The following CDK5RAP3 variants were observed in gnomAD, a reference collection of about 807,000 sequenced individuals.
The protein encoded by CDK5RAP3 is CDK5 regulatory subunit-associated protein 3.
In CDK5RAP3, 58 loss-of-function variants were observed where a neutral mutation model predicts 73.3. The ratio of observed to expected loss-of-function variants is 0.79; its 90% confidence interval spans 0.64 to 0.98. The LOEUF (loss-of-function observed/expected upper bound fraction) is 0.98. Ranked by LOEUF, CDK5RAP3 falls within the 50% of genes least tolerant of loss-of-function variation. The pLI is 0.00. For synonymous variants in CDK5RAP3, 224 were observed against 247.5 expected (o/e 0.91, Z 0.89); for missense variants, 525 against 615.8 (o/e 0.85, Z 1.56).
At chr17:47,975,436 G>C in intron 6 of CDK5RAP3, 78 bp from the exon 7 acceptor site, 1 of 1,607,522 alleles carries the variant, frequency 6.2e-7, no homozygotes, top group Non-Finnish European at 8.5e-7. Flanking sequence ...CACCCCCTTT[G>C]GGCCAGTGTC....
chr17:47,973,730 A>C (rs1451844038), intron 3 of CDK5RAP3, 80 bp downstream of exon 3: 3 of 1,568,106 alleles, frequency 1.9e-6, no homozygotes, highest in African/African-American at 1.4e-5. Context: ...CTTGTTATTT[A>C]GCCACCAGGG....
chr17:47,970,564 C>A (rs142572828), upstream of CDK5RAP3: 46 of 1,077,588 alleles, frequency 4.3e-5, no homozygotes, highest in East Asian at 1.1e-3. Flanking sequence ...GACGTCTCAC[C>A]GACTCTCTTC....
chr17:47,974,417 A>G lies in CDK5RAP3; in HGVS notation c.303A>G (p.Ile101Met). ...SQRMKDWQEIIALYEKDNTYL... is the reference protein window; with the variant it reads ...SQRMKDWQEIMALYEKDNTYL... ...TTACTCAGGATTGGCAGGAGATTAT[A>G]GCTCTGTATGAGAAGGACAACACCT... The change falls in exon 5 of 14, where the codon ATA becomes ATG. Residue 101 changes from isoleucine to methionine, a missense_variant. By Grantham distance (10) the Ile-to-Met change is conservative (BLOSUM62 1). Transcript: ENST00000338399. The G allele has an allele frequency of 1.2e-6, 2 of 1,614,132 alleles. No individual in the cohort carries two copies. The highest frequency in any genetic ancestry group is 2.2e-5 in the East Asian group (1 of 44,886).
At chr17:47,970,058 A>G (rs934491229), upstream of CDK5RAP3, among the ~76,000 whole-genome samples, 2 of 152,134 alleles carry the variant, frequency 1.3e-5, no homozygotes, top group Admixed American at 1.3e-4. Context: ...AGCTCAGGCT[A>G]TAATCCCTCG....
chr17:47,981,395 C>A, intron 13 of CDK5RAP3, 42 bp from the exon 14 acceptor site: 1 of 1,614,216 alleles, frequency 6.2e-7, no homozygotes, highest in Non-Finnish European at 8.5e-7. Flanking sequence ...AAATGAGGCC[C>A]TGAGCACCCC....
intron 4 of CDK5RAP3, 106 bp from the exon 5 acceptor site, chr17:47,974,294 T>G (rs537678215): frequency 9.9e-7 from 1 of 1,006,992 alleles, no homozygotes; most frequent in South Asian, 1.3e-5. Context: ...AGTTTGTGTT[T>G]GATGTGATGT....
At chr17:47,970,964 C>A (rs2036244181), upstream of CDK5RAP3, 4 of 1,458,878 alleles carry the variant, frequency 2.7e-6, no homozygotes, top group Non-Finnish European at 3.6e-6. Flanking sequence ...CCATTCGGAG[C>A]CTGGGGTGGG....
chr17:47,968,337 T>C (rs1328245433), upstream of CDK5RAP3, among the ~76,000 whole-genome samples: 6 of 152,124 alleles, frequency 3.9e-5, no homozygotes, highest in Admixed American at 3.9e-4. Context: ...TATTTTGAGA[T>C]GGAGTCTCAC....
intron 3 of CDK5RAP3, 46 bp downstream of exon 3, chr17:47,973,696 A>G (rs2036322850): frequency 1.2e-6 from 2 of 1,605,828 alleles, no homozygotes; most frequent in Non-Finnish European, 8.5e-7. Flanking sequence ...TTGCTGAGGT[A>G]GTATGTATCA....
At position 47,981,373 on chromosome 17, in the gene CDK5RAP3, C is replaced by G. The variant is rs200037298; in HGVS notation, c.1455+39C>G. 1.8e-4 allele frequency: 283 copies of G among 1,614,074 alleles called. 3 individuals carry two copies. In the South Asian group the frequency reaches 2.9e-3, roughly 17 times the overall value. ...GGGAGGCCTGCCAGTGGGAGGACTC[C>G]CAGTCTGTGCAAAATGAGGCCCTGA... On this transcript the variant is annotated intron_variant, in intron 13 of 13. Coordinates refer to ENST00000338399, the MANE Select transcript of CDK5RAP3 (RefSeq NM_176096.3).
intron 5 of CDK5RAP3, chr17:47,974,736 C>T: frequency 1.5e-6 from 2 of 1,324,266 alleles, no homozygotes; most frequent in South Asian, 1.6e-5. Context: ...CGGGAGTGTG[C>T]TGCCCCCACC....
intron 8 of CDK5RAP3, 111 bp downstream of exon 8, chr17:47,976,124 G>T: frequency 7.3e-7 from 1 of 1,371,558 alleles, no homozygotes; most frequent in Non-Finnish European, 9.8e-7. Flanking sequence ...GGATTTCTGT[G>T]AGAGTGACTG....
In CDK5RAP3 at chr17:47,975,144, C is replaced by T; in HGVS notation, c.335-15C>T. 1 of 1,614,092 alleles carries T rather than the reference C, an allele frequency of 6.2e-7. No individual in the cohort carries two copies. The highest frequency in any genetic ancestry group is 8.5e-7 in the Non-Finnish European group (1 of 1,180,020). Reference sequence around the variant, plus strand: ...GTGGGGGTGTCCTGGGCTGAATTTCCTGGGCACTTCTCAGTGGAACTCTCT... The same window carrying T: ...GTGGGGGTGTCCTGGGCTGAATTTCTTGGGCACTTCTCAGTGGAACTCTCT... On this transcript the variant is annotated splice_polypyrimidine_tract_variant and intron_variant, in intron 5 of 13. Coordinates refer to ENST00000338399, the MANE Select transcript of CDK5RAP3 (RefSeq NM_176096.3).
chr17:47,976,644 A>T, intron 8 of CDK5RAP3, 68 bp from the exon 9 acceptor site: 1 of 1,091,870 alleles, frequency 9.2e-7, no homozygotes, highest in Non-Finnish European at 1.4e-6. Context: ...GGTTACAGAC[A>T]TGAGCCACCA....
At chr17:47,971,447 A>T in intron 2 of CDK5RAP3, 40 bp downstream of exon 2, 1 of 1,552,994 alleles carries the variant, frequency 6.4e-7, no homozygotes, top group South Asian at 1.2e-5. Flanking sequence ...TGTCGGGGGG[A>T]GGCCTGTGCG....
intron 8 of CDK5RAP3, 27 bp from the exon 9 acceptor site, chr17:47,976,685 G>A (rs1391360929): frequency 2.0e-6 from 3 of 1,496,298 alleles, no homozygotes; most frequent in Non-Finnish European, 2.8e-6. Context: ...CATCTTCCAT[G>A]AGCTAACACT....
Position 47,977,902 on chromosome 17 carries a change from G to A in CDK5RAP3, c.980G>A (p.Gly327Glu). Reference sequence around the variant, plus strand: ...TTGCAGATCACAGTGCTGGAAGCAGGAACCCAGGGTAAGTGCACCATCCCC... The same window carrying A: ...TTGCAGATCACAGTGCTGGAAGCAGAAACCCAGGGTAAGTGCACCATCCCC... Reference protein sequence around the residue: ...VALQITVLEAGTQAPEGVARG... With the variant: ...VALQITVLEAETQAPEGVARG... Residue 327 changes from glycine (G) to glutamate (E), a missense_variant, in exon 10 of 14, where the codon GGA (glycine) becomes GAA (glutamate). Transcript: ENST00000338399. The A allele has an allele frequency of 6.2e-7, 1 of 1,614,006 alleles. No homozygotes were observed. The highest frequency in any genetic ancestry group is 8.5e-7 in the Non-Finnish European group (1 of 1,179,946).
chr17:47,981,586 G>A lies in CDK5RAP3; in HGVS notation c.*84G>A. On this transcript the variant is annotated 3_prime_UTR_variant, in exon 14 of 14. Coordinates refer to ENST00000338399, the MANE Select transcript of CDK5RAP3 (RefSeq NM_176096.3). ...GGGCTGTTGTTTTGGGGCCCTTCAA[G>A]GCAAAAGACCAGGCTGACTGGAAGA... The A allele has an allele frequency of 6.2e-7, 1 of 1,612,030 alleles. No homozygotes were observed. Among genetic ancestry groups the A allele is most frequent in the African/African-American group, 1.3e-5 (1 of 75,038 alleles).
At chr17:47,968,709 G>C (rs532160527), upstream of CDK5RAP3, among the ~76,000 whole-genome samples, 11 of 152,304 alleles carry the variant, frequency 7.2e-5, no homozygotes, top group African/African-American at 2.6e-4. Flanking sequence ...GTAGAGACAG[G>C]GTTTCACCAT....
Sources: gnomAD v4.1 joint callset for allele counts (sites outside exome capture counted in the v4.1 genomes callset) on GRCh38, gnomAD v4.1.1 for gene constraint, MANE v1.5 for transcripts, NCBI Gene and HGNC (gene_info 2026-07-23, HGNC 2026-07-21) for gene names.